The following TPP2 variants were observed in gnomAD, a reference collection of about 807,000 sequenced individuals.
TPP2 encodes tripeptidyl-peptidase 2.
Under a neutral mutation model 155.9 loss-of-function variants are expected in TPP2, and 34 were observed. That is an observed-to-expected ratio of 0.22 (90% CI 0.17 to 0.29). The LOEUF (loss-of-function observed/expected upper bound fraction) is 0.29. Ranked by LOEUF, TPP2 falls within the 10% of genes least tolerant of loss-of-function variation. TPP2 has a pLI of 1.00. For synonymous variants in TPP2, 510 were observed against 529.4 expected, an observed-to-expected ratio of 0.96 and a Z score of 0.50; for missense variants, 1,028 against 1,522.3, an observed-to-expected ratio of 0.68 and a Z score of 5.40.
intron 4 of TPP2, among the ~76,000 whole-genome samples, chr13:102,617,993 T>C (rs1352267666): frequency 6.6e-6 from 1 of 152,232 alleles, no homozygotes; most frequent in Non-Finnish European, 1.5e-5. Flanking sequence ...TTTCAGTATT[T>C]ATATGCCTTT....
chr13:102,614,085 C>CTTTTTTTTTTTTT lies in TPP2; in HGVS notation c.295-7_295-6insTTTTTTTTTTTTT. On this transcript the variant is annotated splice_polypyrimidine_tract_variant and intron_variant, in intron 2 of 29. Coordinates refer to ENST00000376052, the MANE Select transcript of TPP2 (RefSeq NM_001330588.2). ...GCATTTAGTGAATGAACAGGTTACT[C>CTTTTTTTTTTTTT]TTTTTTTTTCTGTAGATTCCTGCAA... 2 of 1,547,550 alleles carry CTTTTTTTTTTTTT rather than the reference C, an allele frequency of 1.3e-6. No individual in the cohort carries two copies. Among genetic ancestry groups the CTTTTTTTTTTTTT allele is most frequent in the Admixed American group, 1.7e-5 (1 of 57,850 alleles).
chr13:102,651,924 A>G (rs1360147262), intron 24 of TPP2, among the ~76,000 whole-genome samples: 3 of 152,324 alleles, frequency 2.0e-5, no homozygotes, highest in African/African-American at 7.2e-5. Context: ...AGGAACAGAA[A>G]TAAGGACTGT....
At chr13:102,638,374 G>C in intron 15 of TPP2, 59 bp downstream of exon 15, 1 of 1,521,508 alleles carries the variant, frequency 6.6e-7, no homozygotes, top group Non-Finnish European at 9.1e-7. Context: ...GACTATTCAT[G>C]GAGTCTTGTG....
chr13:102,637,571 GAC>G (rs1882463161), intron 14 of TPP2, among the ~76,000 whole-genome samples: 1 of 152,142 alleles, frequency 6.6e-6, no homozygotes, highest in Non-Finnish European at 1.5e-5. Context: ...TGTTTTAAGA[GAC>G]AGAGTCTTGC....
chr13:102,626,787 T>C (rs1881655129), intron 6 of TPP2: 1 of 322,948 alleles, frequency 3.1e-6, no homozygotes, highest in African/African-American at 2.1e-5. Flanking sequence ...TCTCCCTTTT[T>C]TTATTGTGAA....
At chr13:102,638,563 A>T (rs1882543202) in intron 15 of TPP2, among the ~76,000 whole-genome samples, 1 of 151,860 alleles carries the variant, frequency 6.6e-6, no homozygotes, top group Non-Finnish European at 1.5e-5. Context: ...CACCACAGTC[A>T]CTCTGAGCTC....
At chr13:102,661,163 T>A (rs1203090915) in intron 25 of TPP2, among the ~76,000 whole-genome samples, 2 of 151,442 alleles carry the variant, frequency 1.3e-5, no homozygotes, top group Non-Finnish European at 2.9e-5. Flanking sequence ...GCTTTTAGCA[T>A]AGCATCAAGA....
intron 3 of TPP2, among the ~76,000 whole-genome samples, chr13:102,615,029 T>C (rs920266246): frequency 4.6e-5 from 7 of 152,152 alleles, no homozygotes; most frequent in African/African-American, 1.7e-4. Flanking sequence ...GGTATAATCC[T>C]GGGAAGTGAG....
chr13:102,661,347 C>T (rs965981155), intron 25 of TPP2, among the ~76,000 whole-genome samples: 1 of 148,596 alleles, frequency 6.7e-6, no homozygotes, highest in Non-Finnish European at 1.5e-5. Flanking sequence ...AACCCCTGGG[C>T]TCAAGGGATC....
intron 16 of TPP2, among the ~76,000 whole-genome samples, chr13:102,642,912 G>A (rs1235389824): frequency 6.6e-6 from 1 of 152,304 alleles, no homozygotes; most frequent in South Asian, 2.1e-4. Context: ...AAAGGTACCC[G>A]ATTAATGTAA....
chr13:102,632,817 A>G (rs940395219), intron 10 of TPP2, among the ~76,000 whole-genome samples: 1 of 152,204 alleles, frequency 6.6e-6, no homozygotes, highest in African/African-American at 2.4e-5. Context: ...TCTTCCATGA[A>G]TTAGTGGGAG....
At chr13:102,639,658 AAC>A (rs869034229) in intron 15 of TPP2, among the ~76,000 whole-genome samples, 7 of 112,740 alleles carry the variant, frequency 6.2e-5, no homozygotes, top group African/African-American at 1.5e-4. Flanking sequence ...AGCTCCTAAT[AAC>A]AGGGCCTCAT....
chr13:102,653,188 C>A (rs945124307), intron 24 of TPP2, among the ~76,000 whole-genome samples: 2 of 152,054 alleles, frequency 1.3e-5, no homozygotes, highest in South Asian at 4.1e-4. Flanking sequence ...CAATAAAGCT[C>A]TTATTTTAGA....
chr13:102,673,514 A>G (rs776158334), intron 27 of TPP2, among the ~76,000 whole-genome samples: 15 of 152,224 alleles, frequency 9.9e-5, no homozygotes, highest in Admixed American at 3.3e-4. Flanking sequence ...TATTTCATTC[A>G]GCAATGATTT....
intron 2 of TPP2, among the ~76,000 whole-genome samples, chr13:102,613,864 A>G (rs529927901): frequency 1.3e-5 from 2 of 152,352 alleles, no homozygotes; most frequent in East Asian, 3.9e-4. Flanking sequence ...TTTTTAAACC[A>G]TGAAGCATTG....
At chr13:102,626,372 T>C (rs1200816964) in intron 6 of TPP2, among the ~76,000 whole-genome samples, 5 of 152,390 alleles carry the variant, frequency 3.3e-5, no homozygotes, top group African/African-American at 1.2e-4. Flanking sequence ...GTCAGTTCTA[T>C]GAATTGATGT....
At chr13:102,599,891 G>A (rs1019079707) in intron 1 of TPP2, among the ~76,000 whole-genome samples, 1 of 151,550 alleles carries the variant, frequency 6.6e-6, no homozygotes, top group Admixed American at 6.6e-5. Flanking sequence ...ACTTGGACTA[G>A]ACCAGAATAT....
At chr13:102,625,876 T>C (rs1595157777) in intron 6 of TPP2, among the ~76,000 whole-genome samples, 1 of 152,248 alleles carries the variant, frequency 6.6e-6, no homozygotes, top group Non-Finnish European at 1.5e-5. Flanking sequence ...GCTTGTATTA[T>C]TGTTTTTCTG....
chr13:102,599,275 A>G (rs1879244611), intron 1 of TPP2, among the ~76,000 whole-genome samples: 1 of 152,262 alleles, frequency 6.6e-6, no homozygotes, highest in Non-Finnish European at 1.5e-5. Context: ...AGATGATAAA[A>G]TATTGAAATA....
Sources: gnomAD v4.1 joint callset for allele counts (sites outside exome capture counted in the v4.1 genomes callset) on GRCh38, gnomAD v4.1.1 for gene constraint, MANE v1.5 for transcripts, NCBI Gene and HGNC (gene_info 2026-07-23, HGNC 2026-07-21) for gene names.